Variants in SHFL observed in about 807,000 individuals in gnomAD.
SHFL encodes shiftless antiviral inhibitor of ribosomal frameshifting.
SHFL carries 12 observed loss-of-function variants against 34.7 expected under a neutral mutation model. The ratio of observed to expected loss-of-function variants is 0.35; its 90% CI spans 0.22 to 0.56. The LOEUF (loss-of-function observed/expected upper bound fraction) is 0.56. Ranked by LOEUF, SHFL falls within the 20% of genes least tolerant of loss-of-function variation. The pLI, the probability that SHFL is intolerant of heterozygous loss-of-function variation, is 0.88. For synonymous variants in SHFL, 148 were observed against 156.0 expected (o/e 0.95, Z 0.38); for missense variants, 278 against 411.1 (o/e 0.68, Z 2.80).
At chr19:10,089,208 T>A (rs1318122641) in intron 3 of SHFL, 1 of 1,155,034 alleles carries the variant, frequency 8.7e-7, no homozygotes, top group African/African-American at 1.5e-5. Context: ...CTAACATGCC[T>A]GTCAGTGGGA....
intron 3 of SHFL, chr19:10,087,580 C>T (rs1017193672): frequency 6.1e-5 from 30 of 490,720 alleles, no homozygotes; most frequent in African/African-American, 3.2e-4. Context: ...GCCATCATAG[C>T]GGGGGCGCAG....
chr19:10,088,670 G>C (rs1175702711), intron 3 of SHFL, among the ~76,000 whole-genome samples: 7 of 151,958 alleles, frequency 4.6e-5, no homozygotes, highest in Admixed American at 4.6e-4. Flanking sequence ...GAGGGGCCAG[G>C]TGTGGTGGCT....
intron 3 of SHFL, 196 bp downstream of exon 3, chr19:10,087,496 G>A (rs1039145562): frequency 9.7e-6 from 6 of 619,920 alleles, no homozygotes; most frequent in South Asian, 1.9e-5. Context: ...AACAGTAGGC[G>A]CTCATTATGT....
In SHFL at chr19:10,092,190, T is replaced by C; in HGVS notation, c.764T>C (p.Leu255Ser). 1 of 1,613,620 alleles carries C rather than the reference T, an allele frequency of 6.2e-7. No homozygotes were observed. The highest frequency in any genetic ancestry group is 8.5e-7 in the Non-Finnish European group (1 of 1,179,710). Residue 255 changes from leucine (L) to serine (S), a missense_variant, in exon 8 of 8, where the codon TTG becomes TCG. Around this residue, in one of 2 missense-constraint regions of SHFL, gnomAD observed 243 missense variants for 386.2 expected, o/e 0.63. Transcript: ENST00000253110. The part of the protein sequence containing the change: ...ISSGSTVATC[L>S]SQGGLLEDLD... Reference sequence around the variant, plus strand: ...AGTGGCTCCACTGTGGCCACCTGCTTGAGCCAGGGTGGCCTCCTGGAAGAC... The same window carrying C: ...AGTGGCTCCACTGTGGCCACCTGCTCGAGCCAGGGTGGCCTCCTGGAAGAC...
At chr19:10,089,228 G>A in intron 3 of SHFL, 1 of 1,367,308 alleles carries the variant, frequency 7.3e-7, no homozygotes, top group Non-Finnish European at 1.0e-6. Flanking sequence ...AACCCAGGGG[G>A]CAGGGAGTGG....
chr19:10,090,214 A>C, intron 5 of SHFL, 167 bp downstream of exon 5: 1 of 746,168 alleles, frequency 1.3e-6, no homozygotes, highest in Non-Finnish European at 2.2e-6. Context: ...CCCCTGACCC[A>C]GGACTGGACT....
intron 5 of SHFL, 49 bp downstream of exon 5, chr19:10,090,096 C>T: frequency 1.9e-6 from 3 of 1,560,930 alleles, no homozygotes; most frequent in Non-Finnish European, 2.6e-6. Context: ...GAACTCCACT[C>T]CTGACTCCTA....
At chr19:10,090,329 G>A in intron 5 of SHFL, 1 of 418,750 alleles carries the variant, frequency 2.4e-6, no homozygotes, top group Non-Finnish European at 4.4e-6. Flanking sequence ...CAGGCGCAGT[G>A]GCTCATGGCT....
At chr19:10,090,927 A>G (rs943875508) in intron 5 of SHFL, among the ~76,000 whole-genome samples, 1 of 151,854 alleles carries the variant, frequency 6.6e-6, no homozygotes, top group Non-Finnish European at 1.5e-5. Flanking sequence ...AAAGAAAGAA[A>G]GAAAAGAAAC....
In SHFL at chr19:10,092,071, G is replaced by A; in HGVS notation, c.645G>A (p.Glu215=). ...CSAADCYNRR[E]PHVPGTSCAH... ...TCTGCAGCACCTCTCCCTCCCTAGA[G>A]CCCCACGTGCCTGGGACATCCTGTG... Residue 215 remains glutamate, a splice_region_variant and synonymous_variant, in exon 8 of 8, where the codon GAG becomes GAA. Coordinates refer to ENST00000253110, the MANE Select transcript of SHFL (RefSeq NM_018381.4). 3 of 1,613,788 alleles carry A rather than the reference G, an allele frequency of 1.9e-6. No individual in the cohort carries two copies. Among genetic ancestry groups the A allele is most frequent in the South Asian group, 2.2e-5 (2 of 91,084 alleles).
Position 10,092,267 on chromosome 19 carries a change from G to T in SHFL, c.841G>T (p.Glu281Ter). Reference sequence around the variant, plus strand: ...GAAGGAGGAGGAGGAGGAAGAGGAGGAGGTGGAGGACGAGGAGGGCGGGCC... The same window carrying T: ...GAAGGAGGAGGAGGAGGAAGAGGAGTAGGTGGAGGACGAGGAGGGCGGGCC... ...DLKEEEEEEEEVEDEEGGPRE is the reference protein window; with the variant it reads ...DLKEEEEEEE Residue 281 changes from glutamate to a stop codon, truncating the protein, a stop_gained, in exon 8 of 8, where the codon GAG becomes TAG. Coordinates refer to ENST00000253110, the MANE Select transcript of SHFL (RefSeq NM_018381.4). LOFTEE classifies it high-confidence loss of function. 1 of 1,602,026 alleles carries T rather than the reference G, an allele frequency of 6.2e-7. No individual in the cohort carries two copies. The highest frequency in any genetic ancestry group is 8.5e-7 in the Non-Finnish European group (1 of 1,174,420).
intron 5 of SHFL, chr19:10,090,276 C>T: frequency 1.8e-6 from 1 of 568,076 alleles, no homozygotes. Context: ...GAACCTGACC[C>T]TTGACCCACA....
At position 10,092,861 on chromosome 19, in the gene SHFL, G is replaced by A. The variant is rs2088426944; in HGVS notation, c.*559G>A. On this transcript the variant is annotated 3_prime_UTR_variant, in exon 8 of 8. Transcript: ENST00000253110. ...CCTCACAGTGCAAGGCTTTTGCCAG[G>A]CATCCCCTGGCCCCTCCCATTCTTA... The A allele has an allele frequency of 3.4e-6, 4 of 1,173,702 alleles. No individual in the cohort carries two copies. The highest frequency in any genetic ancestry group is 3.0e-5 in the Admixed American group (1 of 33,314). The allele number at this position is 1,173,702 out of a possible 1,614,324, so 72.7% of individuals were successfully genotyped here. A position where few individuals can be genotyped will look rare whatever the true frequency, so the allele number is the denominator to read the frequency against.
At position 10,091,946 on chromosome 19, in the gene SHFL, T is replaced by G. The variant is rs894044330; in HGVS notation, c.644-124T>G. ...TCTTCAACACCCCTGAATGTCCAGTTGTGCTGGTCCCCGTATCTGGTGGTC... is the reference window on the plus strand; with the variant it reads ...TCTTCAACACCCCTGAATGTCCAGTGGTGCTGGTCCCCGTATCTGGTGGTC... On this transcript the variant is annotated intron_variant, in intron 7 of 7. Coordinates refer to ENST00000253110, the MANE Select transcript of SHFL (RefSeq NM_018381.4). This position sits in a 1 kb window ranked among gnomAD's most constrained non-coding sequence, Gnocchi z 8.2. The G allele has an allele frequency of 8.3e-7, 1 of 1,201,420 alleles. No individual in the cohort carries two copies. The highest frequency in any genetic ancestry group is 1.2e-6 in the Non-Finnish European group (1 of 841,820). 74.4% of individuals were successfully genotyped at this position (1,201,420 alleles called of 1,614,324 possible). A position where few individuals can be genotyped will look rare whatever the true frequency, so the allele number is the denominator to read the frequency against.
intron 3 of SHFL, 104 bp from the exon 4 acceptor site, chr19:10,089,553 G>A (rs2088345497): frequency 6.8e-7 from 1 of 1,473,748 alleles, no homozygotes; most frequent in Non-Finnish European, 9.3e-7. Context: ...CTTCTGGCGA[G>A]TTAGGGGCAC....
chr19:10,089,840 T>C (rs781537905), intron 4 of SHFL, 58 bp from the exon 5 acceptor site: 2 of 1,589,166 alleles, frequency 1.3e-6, no homozygotes, highest in Non-Finnish European at 1.7e-6. Flanking sequence ...CTGATGCTTA[T>C]GTTGGTGCAG....
In SHFL at chr19:10,093,050, C is replaced by A. The variant is rs898560629; in HGVS notation, c.*748C>A. 1.2e-5 allele frequency: 6 copies of A among 491,846 alleles called. No homozygotes were observed. In the East Asian group the frequency reaches 1.9e-4, roughly 15 times the overall value. The allele number at this position is 491,846 out of a possible 1,614,324, so 30.5% of individuals were successfully genotyped here. A position where few individuals can be genotyped will look rare whatever the true frequency, so the allele number is the denominator to read the frequency against. On this transcript the variant is annotated 3_prime_UTR_variant, in exon 8 of 8. Coordinates refer to ENST00000253110, the MANE Select transcript of SHFL (RefSeq NM_018381.4). Reference sequence around the variant, plus strand: ...GCAAACTAGGAGTCTACCGTTCATTCCTTTATCAAAGAAAAGTATCTACTT... The same window carrying A: ...GCAAACTAGGAGTCTACCGTTCATTACTTTATCAAAGAAAAGTATCTACTT...
At position 10,091,416 on chromosome 19, in the gene SHFL, C is replaced by T; in HGVS notation, c.489-60C>T. 6.5e-7 allele frequency: 1 copy of T among 1,529,940 alleles called. No homozygotes were observed. Among genetic ancestry groups the T allele is most frequent in the Non-Finnish European group, 8.9e-7 (1 of 1,122,764 alleles). The allele number at this position is 1,529,940 out of a possible 1,614,324, so 94.8% of individuals were successfully genotyped here. ...CCTACCCCAGCCCTGCCCCTCCCTG[C>T]CCTGGCCCCACCCTGGCCCAGCCTC... On this transcript the variant is annotated intron_variant, in intron 6 of 7. Coordinates refer to ENST00000253110, the MANE Select transcript of SHFL (RefSeq NM_018381.4). This position sits in a 1 kb window ranked among gnomAD's most constrained non-coding sequence, Gnocchi z 8.2.
At position 10,091,442 on chromosome 19, in the gene SHFL, G is replaced by A. The variant is rs2088386019; in HGVS notation, c.489-34G>A. 2.3e-6 allele frequency: 3 copies of A among 1,313,104 alleles called. No individual in the cohort carries two copies. The highest frequency in any genetic ancestry group is 2.0e-6 in the Non-Finnish European group (2 of 999,438). The allele number at this position is 1,313,104 out of a possible 1,614,324, so 81.3% of individuals were successfully genotyped here. A position where few individuals can be genotyped will look rare whatever the true frequency, so the allele number is the denominator to read the frequency against. ...CCTGGCCCCACCCTGGCCCAGCCTC[G>A]CCCTCGGACCCTCACAGCCCTGCCC... On this transcript the variant is annotated intron_variant, in intron 6 of 7. Coordinates refer to ENST00000253110, the MANE Select transcript of SHFL (RefSeq NM_018381.4). The surrounding 1 kb of genome is among the most constrained non-coding windows in gnomAD (Gnocchi z 8.2).
Sources: gnomAD v4.1 joint callset for allele counts (sites outside exome capture counted in the v4.1 genomes callset) on GRCh38, gnomAD v4.1.1 for gene constraint, gnomAD v4.1.1 regional missense constraint, Gnocchi (gnomAD v3.1) non-coding constraint, MANE v1.5 for transcripts, NCBI Gene and HGNC (gene_info 2026-07-23, HGNC 2026-07-21) for gene names.